The following MSRA variants were observed in gnomAD, a reference collection of about 807,000 sequenced individuals.
MSRA encodes methionine sulfoxide reductase A, also known as mitochondrial peptide methionine sulfoxide reductase.
A neutral mutation model predicts 31.3 loss-of-function variants in MSRA; 54 were observed. That is an observed-to-expected ratio of 1.73 (90% confidence interval 1.39 to 2.17). MSRA has a LOEUF of 2.17. Among genes scored for constraint, MSRA ranks in the 30% most tolerant of loss-of-function variants. MSRA has a pLI of 0.00. For synonymous variants in MSRA, 169 were observed against 116.5 expected (o/e 1.45, Z -2.90); for missense variants, 507 against 300.9 (o/e 1.69, Z -5.07).
rs779090769 is a variant in MSRA at position 10,096,151 on chromosome 8, A to T, written c.142+41493A>T. 1.5e-4 allele frequency: 192 copies of T among 1,244,836 alleles called. 1 individual carries two copies. Among genetic ancestry groups the T allele is most frequent in the Non-Finnish European group, 8.8e-5 (85 of 961,624 alleles). 77.1% of individuals were successfully genotyped at this position (1,244,836 alleles called of 1,614,324 possible). ...CAGCCCAGCCAGGAAGTCAGAGTAA[A>T]AGTTGTTTTATCCATGTGTTTAAGA... On this transcript the variant is annotated intron_variant, in intron 1 of 5. Transcript: ENST00000317173.
chr8:10,254,523 G>C (rs6988744), intron 3 of MSRA, among the ~76,000 whole-genome samples: 1 of 151,982 alleles, frequency 6.6e-6, no homozygotes, highest in African/African-American at 2.4e-5. Flanking sequence ...GTAGTTTCTT[G>C]CCATGACCAC....
intron 2 of MSRA, among the ~76,000 whole-genome samples, chr8:10,219,805 CCAAAAAA>C (rs1242768156): frequency 2.2e-5 from 1 of 46,072 alleles, no homozygotes; most frequent in African/African-American, 1.7e-4. Flanking sequence ...GACTCTGTCT[CCAAAAAA>C]AAAAAAAAAA....
intron 3 of MSRA, among the ~76,000 whole-genome samples, chr8:10,272,157 C>G (rs892182579): frequency 1.3e-5 from 2 of 152,120 alleles, no homozygotes; most frequent in Admixed American, 1.3e-4. Context: ...TCACTTTGTT[C>G]TTTGTAAAAG....
At chr8:10,156,077 G>A (rs1275333577) in intron 1 of MSRA, among the ~76,000 whole-genome samples, 1 of 152,154 alleles carries the variant, frequency 6.6e-6, no homozygotes, top group Non-Finnish European at 1.5e-5. Flanking sequence ...AAGCCCCTGG[G>A]AAGAGTGGCT....
intron 5 of MSRA, among the ~76,000 whole-genome samples, chr8:10,370,537 A>G (rs777584247): frequency 1.5e-4 from 23 of 152,228 alleles, no homozygotes; most frequent in Non-Finnish European, 2.9e-4. Flanking sequence ...TTCATCCAGC[A>G]ATAATTACTG....
intron 1 of MSRA, among the ~76,000 whole-genome samples, chr8:10,176,242 C>A (rs1039070762): frequency 1.3e-5 from 2 of 152,212 alleles, no homozygotes; most frequent in Admixed American, 6.5e-5. Context: ...GGAGAGCCTG[C>A]CTGTGGAAAA....
At chr8:10,250,348 C>G (rs1254228687) in intron 3 of MSRA, 19 of 692,902 alleles carry the variant, frequency 2.7e-5, no homozygotes, top group Non-Finnish European at 4.7e-5. Flanking sequence ...GCCTAATATA[C>G]AAATACCCCA....
chr8:10,347,465 G>GC (rs1221471079), intron 5 of MSRA, among the ~76,000 whole-genome samples: 15 of 152,064 alleles, frequency 9.9e-5, no homozygotes, highest in African/African-American at 3.6e-4. Context: ...ACTCTGCCTT[G>GC]CCCCCTGCAG....
At chr8:10,290,687 C>T (rs4840471) in intron 3 of MSRA, among the ~76,000 whole-genome samples, 128,934 of 152,210 alleles carry the variant, frequency 0.85, 54,928 homozygotes, top group East Asian at 1. Context: ...GAACCACTCT[C>T]CTTGTGTAGC....
In MSRA at chr8:10,350,124, A is replaced by G. The variant is rs117921924; in HGVS notation, c.543+30135A>G. 7.7e-3 allele frequency among the ~76,000 whole-genome samples: 1,172 copies of G among 152,336 alleles called. 19 individuals carry two copies. The highest frequency in any genetic ancestry group is 9.8e-3 in the Non-Finnish European group (664 of 68,038). On this transcript the variant is annotated intron_variant, in intron 5 of 5. Transcript: ENST00000317173. ...GCACTTCCTGTTCTTGTGTGAAATC[A>G]TTAGCCACAATCTGGAGACCTACGA...
intron 1 of MSRA, among the ~76,000 whole-genome samples, chr8:10,156,670 G>C (rs1420998776): frequency 1.3e-5 from 2 of 152,074 alleles, no homozygotes; most frequent in Admixed American, 1.3e-4. Flanking sequence ...TGCAAGATGA[G>C]CATATTCTTC....
intron 5 of MSRA, among the ~76,000 whole-genome samples, chr8:10,385,050 G>A (rs946467473): frequency 5.3e-5 from 8 of 152,182 alleles, no homozygotes; most frequent in African/African-American, 1.9e-4. Context: ...GCTGCATAGG[G>A]TGTTGCAGTG....
At chr8:10,343,177 A>G (rs912264879) in intron 5 of MSRA, among the ~76,000 whole-genome samples, 13 of 152,246 alleles carry the variant, frequency 8.5e-5, no homozygotes, top group African/African-American at 3.1e-4. Context: ...CTTGGTCTCA[A>G]TTGTTCCTTT....
chr8:10,303,849 A>G (rs1800981396), intron 4 of MSRA, among the ~76,000 whole-genome samples: 1 of 152,256 alleles, frequency 6.6e-6, no homozygotes, highest in African/African-American at 2.4e-5. Context: ...ACAGTAACAA[A>G]AATCCTTACT....
intron 1 of MSRA, among the ~76,000 whole-genome samples, chr8:10,103,386 G>A (rs949320197): frequency 6.6e-6 from 1 of 152,110 alleles, no homozygotes; most frequent in Non-Finnish European, 1.5e-5. Flanking sequence ...GGGTTCTTAC[G>A]GGTCATCTGT....
At chr8:10,408,781 C>G (rs898428750) in intron 5 of MSRA, among the ~76,000 whole-genome samples, 1 of 110,126 alleles carries the variant, frequency 9.1e-6, no homozygotes, top group Non-Finnish European at 1.7e-5. Context: ...TATGTTCTTG[C>G]ATATTTAGCT....
intron 2 of MSRA, among the ~76,000 whole-genome samples, chr8:10,212,689 G>A (rs1299574356): frequency 6.6e-6 from 1 of 152,102 alleles, no homozygotes; most frequent in Non-Finnish European, 1.5e-5. Context: ...TACTTTCCAG[G>A]GATGTAGGGT....
chr8:10,343,551 C>G (rs1158929368), intron 5 of MSRA, among the ~76,000 whole-genome samples: 2 of 152,130 alleles, frequency 1.3e-5, no homozygotes, highest in African/African-American at 4.8e-5. Context: ...ACTGCGTTCC[C>G]CAACCACTCT....
chr8:10,415,717 C>A (rs944383172), intron 5 of MSRA, among the ~76,000 whole-genome samples: 22 of 151,962 alleles, frequency 1.4e-4, no homozygotes, highest in African/African-American at 5.1e-4. Context: ...GCACTCTCCT[C>A]CGGACCTGTC....
Sources: gnomAD v4.1 joint callset for allele counts (sites outside exome capture counted in the v4.1 genomes callset) on GRCh38, gnomAD v4.1.1 for gene constraint, MANE v1.5 for transcripts, NCBI Gene and HGNC (gene_info 2026-07-23, HGNC 2026-07-21) for gene names.